The following LYPD3 variants were observed in gnomAD, a reference collection of about 807,000 sequenced individuals.
LYPD3 encodes ly6/PLAUR domain-containing protein 3.
LYPD3 carries 22 observed loss-of-function variants against 21.7 expected under a neutral mutation model. That is an observed-to-expected ratio of 1.01 (90% CI 0.72 to 1.45). The LOEUF is 1.45. LYPD3 is among the 40% of genes most tolerant of loss of function. LYPD3 has a pLI of 0.00. For synonymous variants in LYPD3, 179 were observed against 203.0 expected, an observed-to-expected ratio of 0.88 and a Z score of 1.00; for missense variants, 471 against 466.9, an observed-to-expected ratio of 1.01 and a Z score of -0.08.
At position 43,461,375 on chromosome 19, in the gene LYPD3, G is replaced by A. The variant is rs34034481; in HGVS notation, c.1017C>T (p.Ala339=). The change falls in exon 5 of 5, where the codon GCC becomes GCT. Residue 339 remains alanine, a synonymous_variant. Coordinates refer to ENST00000244333, the MANE Select transcript of LYPD3 (RefSeq NM_014400.3). ...CTCACAGTAGGACACCAGCAGCCAC[G>A]GCCAACAGAAGGGCTGCCAATCCAG... ...PTAGLAALLL[A]VAAGVLL The A allele has an allele frequency of 4.3e-3, 6,855 of 1,606,874 alleles. 271 individuals carry two copies. The African/African-American group carries it at 0.08, about 19-fold the overall frequency.
At position 43,461,090 on chromosome 19, in the gene LYPD3, A is replaced by T. The variant is rs1307437106; in HGVS notation, c.*261T>A. 4.2e-6 allele frequency: 2 copies of T among 477,950 alleles called. No individual in the cohort carries two copies. Among genetic ancestry groups the T allele is most frequent in the Admixed American group, 7.1e-5 (2 of 28,164 alleles). The allele number at this position is 477,950 out of a possible 1,614,324, so 29.6% of individuals were successfully genotyped here. ...TTCTCTCACTCTGTCCTAACATCAC[A>T]AGAGGACAAGCGGAGAGACAAGGAT... is the stretch of plus-strand genomic sequence containing the variant. On this transcript the variant is annotated 3_prime_UTR_variant, in exon 5 of 5. Transcript: ENST00000244333.
rs1970790120 is a variant in LYPD3, at chr19:43,463,268, C to G, written c.402G>C (p.Pro134=). 6.2e-7 allele frequency: 1 copy of G among 1,603,122 alleles called. No homozygotes were observed. The highest frequency in any genetic ancestry group is 1.7e-5 in the Admixed American group (1 of 59,998). Residue 134 remains proline (P), a synonymous_variant, in exon 4 of 5, where the codon CCG becomes CCC. Coordinates refer to ENST00000244333, the MANE Select transcript of LYPD3 (RefSeq NM_014400.3). ...AGCTGTAGCACTCCACGCCGTTGGG[C>G]GGGTATGCACTCTCATTACCTGCGA... is the stretch of plus-strand genomic sequence containing the variant. ...LDPAGNESAY[P]PNGVECYSCV...
At chr19:43,463,067 G>C in intron 4 of LYPD3, 59 bp downstream of exon 4, 1 of 1,586,038 alleles carries the variant, frequency 6.3e-7, no homozygotes, top group Non-Finnish European at 8.6e-7. Context: ...CTACCGCCCA[G>C]GGTGCTTCAG....
chr19:43,464,491 C>T (rs372339906), intron 1 of LYPD3, 35 bp from the exon 2 acceptor site: 1 of 1,613,050 alleles, frequency 6.2e-7, no homozygotes, highest in Non-Finnish European at 8.5e-7. Flanking sequence ...CTGAGCCCTC[C>T]TTGCTAAAGC....
intron 2 of LYPD3, 71 bp downstream of exon 2, chr19:43,464,254 G>A: frequency 1.3e-6 from 2 of 1,533,920 alleles, no homozygotes; most frequent in Non-Finnish European, 1.8e-6. Flanking sequence ...GATCCAGAAA[G>A]GACTATAAGG....
chr19:43,465,600 C>G lies in LYPD3; in HGVS notation c.-29G>C, dbSNP rs117472855. 1.8e-5 allele frequency: 29 copies of G among 1,599,768 alleles called. 1 individual carries two copies. Among genetic ancestry groups the G allele is most frequent in the East Asian group, 2.2e-5 (1 of 44,728 alleles). On this transcript the variant is annotated 5_prime_UTR_variant, in exon 1 of 5. Transcript: ENST00000244333. ...TCCGTCCTGCTCCCTTGGCGTCCCC[C>G]CTGGATGTGCCGCCTCCGAGCTCGG...
Position 43,465,499 on chromosome 19 carries a change from G to A in LYPD3, c.73C>T (p.Arg25Cys), listed in dbSNP as rs748210378. Residue 25 changes from arginine (R) to cysteine (C), a missense_variant, in exon 1 of 5, where the codon CGC becomes TGC. Transcript: ENST00000244333. ...CTCCGGGCAGCAGACCCACCTCCGC[G>A]AAGCAGCAGCAGCAGCAGCCAGCCT... ...TAGWLLLLLL[R>C]GGAQALECYS... 3 of 1,609,456 alleles carry A rather than the reference G, an allele frequency of 1.9e-6. No individual in the cohort carries two copies. The highest frequency in any genetic ancestry group is 2.5e-6 in the Non-Finnish European group (3 of 1,179,936).
At chr19:43,465,453 C>A (rs367983795) in intron 1 of LYPD3, 40 bp downstream of exon 1, 2 of 1,599,396 alleles carry the variant, frequency 1.3e-6, no homozygotes, top group African/African-American at 2.7e-5. Context: ...CCTAAGAGCC[C>A]CCACTCTACC....
chr19:43,462,919 A>C (rs1970786689), intron 4 of LYPD3, among the ~76,000 whole-genome samples: 1 of 152,198 alleles, frequency 6.6e-6, no homozygotes, highest in African/African-American at 2.4e-5. Context: ...TCTGGGACAA[A>C]GCATCACTAT....
chr19:43,465,356 G>A lies in LYPD3; in HGVS notation c.79+137C>T, dbSNP rs1034856752. Reference sequence around the variant, plus strand: ...CCTTCCCTCTGCCTCCCTTGCTTAGGATGGGGGAACTTTGCCCACAGTGCC... The same window carrying A: ...CCTTCCCTCTGCCTCCCTTGCTTAGAATGGGGGAACTTTGCCCACAGTGCC... On this transcript the variant is annotated intron_variant, in intron 1 of 4. Transcript: ENST00000244333. 7 of 957,008 alleles carry A rather than the reference G, an allele frequency of 7.3e-6. 1 individual carries two copies. The South Asian group carries it at 7.9e-5, about 11-fold the overall frequency. 59.3% of individuals were successfully genotyped at this position (957,008 alleles called of 1,614,324 possible). A position where few individuals can be genotyped will look rare whatever the true frequency, so the allele number is the denominator to read the frequency against.
At position 43,464,305 on chromosome 19, in the gene LYPD3, G is replaced by T; in HGVS notation, c.211+20C>A. 6.3e-7 allele frequency: 1 copy of T among 1,587,774 alleles called. No individual in the cohort carries two copies. Among genetic ancestry groups the T allele is most frequent in the Non-Finnish European group, 8.6e-7 (1 of 1,168,184 alleles). Reference sequence around the variant, plus strand: ...GGAGGAGCCTGCAGTGGTGTGCGTGGCCCGGGGGTCCCCACTCACTGGTCT... The same window carrying T: ...GGAGGAGCCTGCAGTGGTGTGCGTGTCCCGGGGGTCCCCACTCACTGGTCT... On this transcript the variant is annotated intron_variant, in intron 2 of 4. Transcript: ENST00000244333.
intron 1 of LYPD3, 143 bp from the exon 2 acceptor site, chr19:43,464,599 C>T: frequency 9.1e-7 from 1 of 1,102,400 alleles, no homozygotes; most frequent in Non-Finnish European, 1.3e-6. Flanking sequence ...TAGGGAAAAG[C>T]TTTCCACAAA....
At chr19:43,464,162 A>T in intron 2 of LYPD3, 163 bp downstream of exon 2, 6 of 923,392 alleles carry the variant, frequency 6.5e-6, no homozygotes, top group African/African-American at 1.7e-5. Flanking sequence ...TTAATAGAGA[A>T]GGCCTGGCCT....
chr19:43,462,000 G>A, intron 4 of LYPD3, 153 bp from the exon 5 acceptor site: 3 of 674,882 alleles, frequency 4.4e-6, no homozygotes, highest in Non-Finnish European at 7.3e-6. Context: ...GCCGAGGCAG[G>A]TGGATCACTG....
At chr19:43,464,041 T>A (rs760547822) in intron 2 of LYPD3, 26 of 610,606 alleles carry the variant, frequency 4.3e-5, no homozygotes, top group Non-Finnish European at 7.2e-5. Context: ...GATGGGGAGG[T>A]CTCATTGGTG....
chr19:43,462,264 G>T (rs1051978796), intron 4 of LYPD3, among the ~76,000 whole-genome samples: 3 of 152,152 alleles, frequency 2.0e-5, no homozygotes, highest in Non-Finnish European at 4.4e-5. Context: ...CCTCTCACAA[G>T]ACCACAGTGC....
chr19:43,463,768 G>A lies in LYPD3; in HGVS notation c.213C>T (p.Ile71=). Residue 71 remains isoleucine, a splice_region_variant and synonymous_variant, in exon 3 of 5, where the codon ATC becomes ATT. Transcript: ENST00000244333. ...CTEAVGAVET[I]HGQFSLAVRG... The stretch of plus-strand genomic sequence containing the variant: ...GCACTGCCAGCGAGAATTGTCCGTG[G>A]ACTAGGGAGAGGGACAAGGGCGGGA... 5 of 1,612,766 alleles carry A rather than the reference G, an allele frequency of 3.1e-6. No homozygotes were observed. The highest frequency in any genetic ancestry group is 4.2e-6 in the Non-Finnish European group (5 of 1,179,986).
intron 4 of LYPD3, among the ~76,000 whole-genome samples, chr19:43,462,204 G>A (rs140696295): frequency 1.3e-5 from 2 of 152,128 alleles, no homozygotes; most frequent in African/African-American, 4.8e-5. Flanking sequence ...ATGTGTGTAG[G>A]CTGAACCAAA....
intron 2 of LYPD3, 44 bp downstream of exon 2, chr19:43,464,281 G>T: frequency 6.4e-7 from 1 of 1,560,976 alleles, no homozygotes; most frequent in East Asian, 2.4e-5. Context: ...GGCTGGGCCG[G>T]AGGAGCCTGC....
Sources: allele counts gnomAD v4.1 joint callset (sites outside exome capture counted in the v4.1 genomes callset), GRCh38; gene constraint gnomAD v4.1.1; transcripts MANE v1.5; gene names NCBI Gene and HGNC (gene_info 2026-07-23, HGNC 2026-07-21).